The following KCNJ13 variants were observed in gnomAD, a reference collection of about 807,000 sequenced individuals.
The protein encoded by KCNJ13 is inward rectifier potassium channel 13.
A neutral mutation model predicts 24.6 loss-of-function variants in KCNJ13; 9 were observed. The ratio of observed to expected loss-of-function variants is 0.37; its 90% CI spans 0.22 to 0.64. KCNJ13 has a LOEUF of 0.64. Ranked by LOEUF, KCNJ13 falls within the 30% of genes least tolerant of loss-of-function variation. KCNJ13 has a pLI of 0.64. For synonymous variants in KCNJ13, 148 were observed against 154.7 expected, an observed-to-expected ratio of 0.96 and a Z score of 0.32; for missense variants, 337 against 443.8, an observed-to-expected ratio of 0.76 and a Z score of 2.16.
chr2:232,769,978 T>C (rs1270383039), intron 2 of KCNJ13, among the ~76,000 whole-genome samples: 3 of 152,212 alleles, frequency 2.0e-5, no homozygotes, highest in Non-Finnish European at 4.4e-5. Flanking sequence ...GCTGGTGGTA[T>C]TGTTTTTTGT....
rs143726189 is a variant in KCNJ13 at position 232,771,336 on chromosome 2, A to C, written c.27T>G (p.Ile9Met). The stretch of plus-strand genomic sequence containing the variant: ...GGTATCTTTGACTTAGGAGAGGAGC[A>C]ATAACTTTGCAATTACTGCTGTCCA... The part of the protein sequence containing the change: MDSSNCKV[I>M]APLLSQRYRR... The change falls in exon 2 of 3, where the codon ATT (isoleucine) becomes ATG (methionine). Residue 9 changes from isoleucine to methionine, a missense_variant. Physicochemically the swap from Ile to Met is conservative, Grantham distance 10. Around this residue, in one of 3 missense-constraint regions of KCNJ13, gnomAD observed 101 missense variants for 139.2 expected, o/e 0.73. Coordinates refer to ENST00000233826, the MANE Select transcript of KCNJ13 (RefSeq NM_002242.4). 7.4e-6 allele frequency: 12 copies of C among 1,612,844 alleles called. No individual in the cohort carries two copies. In the African/African-American group the frequency reaches 9.3e-5, roughly 13 times the overall value.
chr2:232,768,760 A>G lies in KCNJ13; in HGVS notation c.514T>C (p.Phe172Leu). The G allele has an allele frequency of 6.2e-7, 1 of 1,601,046 alleles. No homozygotes were observed. Among genetic ancestry groups the G allele is most frequent in the Non-Finnish European group, 8.5e-7 (1 of 1,170,774 alleles). The stretch of plus-strand genomic sequence containing the variant: ...TGAGCTACTACTGCTGTGTCAGTAA[A>G]GCGAATTGAAAAAGCTCGATTTTTT... Reference protein sequence around the residue: ...RPKNRAFSIRFTDTAVVAHMD... With the variant: ...RPKNRAFSIRLTDTAVVAHMD... Residue 172 changes from phenylalanine (F) to leucine (L), a missense_variant, in exon 3 of 3, where the codon TTT becomes CTT. Phe to Leu is a conservative substitution (Grantham distance 22). This residue lies in a region of KCNJ13 where 235 missense variants were observed against 286.9 expected (regional missense o/e 0.82). Coordinates refer to ENST00000233826, the MANE Select transcript of KCNJ13 (RefSeq NM_002242.4).
At chr2:232,775,391 T>G (rs1313530426) in intron 1 of KCNJ13, among the ~76,000 whole-genome samples, 2 of 152,218 alleles carry the variant, frequency 1.3e-5, no homozygotes, top group Non-Finnish European at 2.9e-5. Context: ...CTCTACAGAC[T>G]TATGTAAACA....
chr2:232,771,180 A>C lies in KCNJ13; in HGVS notation c.183T>G (p.Ser61=). The change falls in exon 2 of 3, where the codon TCT becomes TCG. Residue 61 remains serine (S), a synonymous_variant. Coordinates refer to ENST00000233826, the MANE Select transcript of KCNJ13 (RefSeq NM_002242.4). ...MRWRWMMLVF[S]ASFVVHWLVF... is the part of the protein sequence containing the mutation. ...CAAGCCAGTGGACAACAAAAGAAGC[A>C]GAAAAGACCAACATCATCCAACGCC... is the stretch of plus-strand genomic sequence containing the variant. 6.2e-7 allele frequency: 1 copy of C among 1,613,970 alleles called. No homozygotes were observed. The highest frequency in any genetic ancestry group is 8.5e-7 in the Non-Finnish European group (1 of 1,179,840).
rs774380473 is a variant in KCNJ13, at chr2:232,768,218, C to T, written c.1056G>A (p.Gln352=). ...HINGQSIDNF[Q]ISETGLTE is the part of the protein sequence containing the mutation. ...ATTCTGTCAGTCCTGTTTCAGAGATCTGAAAATTGTCAATGCTTTGTCCAT... is the reference window on the plus strand; with the variant it reads ...ATTCTGTCAGTCCTGTTTCAGAGATTTGAAAATTGTCAATGCTTTGTCCAT... Residue 352 remains glutamine (Q), a synonymous_variant, in exon 3 of 3, where the codon CAG becomes CAA. Coordinates refer to ENST00000233826, the MANE Select transcript of KCNJ13 (RefSeq NM_002242.4). 1 of 1,614,110 alleles carries T rather than the reference C, an allele frequency of 6.2e-7. No individual in the cohort carries two copies. Among genetic ancestry groups the T allele is most frequent in the Non-Finnish European group, 8.5e-7 (1 of 1,179,978 alleles).
chr2:232,769,616 A>G (rs926200989), intron 2 of KCNJ13, among the ~76,000 whole-genome samples: 3 of 151,846 alleles, frequency 2.0e-5, no homozygotes, highest in African/African-American at 7.3e-5. Flanking sequence ...AGGACTGACT[A>G]TCAGGTAATT....
chr2:232,774,495 G>A lies in KCNJ13; in HGVS notation c.-17+1950C>T, dbSNP rs182951711. ...GAGAGTTATGACATAACATTGCCAA[G>A]TTTCTGTTTTGCCAGATGAGAAGAC... is the stretch of plus-strand genomic sequence containing the variant. On this transcript the variant is annotated intron_variant, in intron 1 of 2. Coordinates refer to ENST00000233826, the MANE Select transcript of KCNJ13 (RefSeq NM_002242.4). Among the ~76,000 whole-genome samples, 165 of 152,286 alleles carry A rather than the reference G, an allele frequency of 1.1e-3. 6 individuals carry two copies. Among genetic ancestry groups the A allele is most frequent in the Admixed American group, 9.4e-3 (144 of 15,280 alleles).
chr2:232,773,399 T>C (rs992009449), intron 1 of KCNJ13, among the ~76,000 whole-genome samples: 2 of 152,218 alleles, frequency 1.3e-5, no homozygotes, highest in African/African-American at 4.8e-5. Flanking sequence ...AAAAGAAATT[T>C]ACACAAGGCA....
At chr2:232,775,417 C>T (rs1574868391) in intron 1 of KCNJ13, among the ~76,000 whole-genome samples, 2 of 152,166 alleles carry the variant, frequency 1.3e-5, no homozygotes, top group African/African-American at 2.4e-5. Context: ...ATTTCCACTT[C>T]CTACAAAGGA....
At position 232,767,722 on chromosome 2, in the gene KCNJ13, T is replaced by C. The variant is rs1699033861; in HGVS notation, c.*469A>G. ...AGAACCAAATGAATGATCTTTGTTG[T>C]CTTGAAAAAAATCCCAGCTCTTAAA... On this transcript the variant is annotated 3_prime_UTR_variant, in exon 3 of 3. Coordinates refer to ENST00000233826, the MANE Select transcript of KCNJ13 (RefSeq NM_002242.4). The C allele has an allele frequency of 6.0e-6, 1 of 166,972 alleles. No individual in the cohort carries two copies. Among genetic ancestry groups the C allele is most frequent in the Non-Finnish European group, 1.3e-5 (1 of 76,588 alleles). 10.3% of individuals were successfully genotyped at this position (166,972 alleles called of 1,614,324 possible). A position where few individuals can be genotyped will look rare whatever the true frequency, so the allele number is the denominator to read the frequency against.
At position 232,765,941 on chromosome 2, in the gene KCNJ13, G is replaced by T. The variant is rs1036245901; in HGVS notation, c.*2250C>A. On this transcript the variant is annotated 3_prime_UTR_variant, in exon 3 of 3. Coordinates refer to ENST00000233826, the MANE Select transcript of KCNJ13 (RefSeq NM_002242.4). ...GTTCCGAAGTAGTCTTCCTGATCAT[G>T]TGTGCAAGACTTCATGACCAAGCTC... is the stretch of plus-strand genomic sequence containing the variant. The T allele has an allele frequency of 8.7e-6, 4 of 460,948 alleles. No individual in the cohort carries two copies. Among genetic ancestry groups the T allele is most frequent in the Non-Finnish European group, 1.8e-5 (4 of 222,742 alleles). 28.6% of individuals were successfully genotyped at this position (460,948 alleles called of 1,614,324 possible).
Position 232,767,565 on chromosome 2 carries a change from T to A in KCNJ13, c.*626A>T, listed in dbSNP as rs968622444. The A allele has an allele frequency of 6.5e-6, 1 of 153,848 alleles. No homozygotes were observed. Among genetic ancestry groups the A allele is most frequent in the Non-Finnish European group, 1.4e-5 (1 of 68,986 alleles). 9.5% of individuals were successfully genotyped at this position (153,848 alleles called of 1,614,324 possible). A position where few individuals can be genotyped will look rare whatever the true frequency, so the allele number is the denominator to read the frequency against. ...CCACAAATAAGTGAACATATATGTA[T>A]GTGTTCGGGTGTCATGTTCAAATGC... On this transcript the variant is annotated 3_prime_UTR_variant, in exon 3 of 3. Transcript: ENST00000233826.
chr2:232,771,880 T>C (rs938855031), intron 1 of KCNJ13, among the ~76,000 whole-genome samples: 1 of 152,226 alleles, frequency 6.6e-6, no homozygotes, highest in Non-Finnish European at 1.5e-5. Flanking sequence ...CTGCAAATCC[T>C]TTGAAGCCAG....
At chr2:232,770,260 A>G (rs1277331978) in intron 2 of KCNJ13, among the ~76,000 whole-genome samples, 4 of 152,162 alleles carry the variant, frequency 2.6e-5, no homozygotes, top group Non-Finnish European at 5.9e-5. Context: ...GAAATTATGT[A>G]TGTCACATAA....
chr2:232,770,650 A>G (rs1305288729), intron 2 of KCNJ13, among the ~76,000 whole-genome samples: 2 of 151,862 alleles, frequency 1.3e-5, no homozygotes, highest in African/African-American at 4.8e-5. Context: ...ATTTAGTATC[A>G]TACTGATCTC....
Position 232,770,886 on chromosome 2 carries a change from A to C in KCNJ13, c.460+17T>G, listed in dbSNP as rs1699217982. On this transcript the variant is annotated intron_variant, in intron 2 of 2. Transcript: ENST00000233826. ...TGTTTTTGTTTTTGTTTTTTTTAAG[A>C]ACAAAGACAAAATTACCTGTGATAA... 1 of 1,589,678 alleles carries C rather than the reference A, an allele frequency of 6.3e-7. No homozygotes were observed. The highest frequency in any genetic ancestry group is 8.6e-7 in the Non-Finnish European group (1 of 1,158,924).
In KCNJ13 at chr2:232,768,253, T is replaced by C. The variant is rs765534142; in HGVS notation, c.1021A>G (p.Ile341Val). The C allele has an allele frequency of 3.7e-6, 6 of 1,614,116 alleles. No homozygotes were observed. The highest frequency in any genetic ancestry group is 1.6e-4 in the Middle Eastern group (1 of 6,062). Residue 341 changes from isoleucine (I) to valine (V), a missense_variant, in exon 3 of 3, where the codon ATC (isoleucine) becomes GTC (valine). This residue lies in a region of KCNJ13 where 235 missense variants were observed against 286.9 expected (regional missense o/e 0.82). Coordinates refer to ENST00000233826, the MANE Select transcript of KCNJ13 (RefSeq NM_002242.4). ...SKSPNRTDLD[I>V]HINGQSIDNF... ...TCAATGCTTTGTCCATTGATGTGGA[T>C]ATCCAGGTCAGTCCTGTTTGGGCTT...
chr2:232,768,466 A>G lies in KCNJ13; in HGVS notation c.808T>C (p.Phe270Leu), dbSNP rs768232798. The change falls in exon 3 of 3, where the codon TTC becomes CTC. Residue 270 changes from phenylalanine (F) to leucine (L), a missense_variant. Physicochemically the swap from Phe to Leu is conservative, Grantham distance 22. Coordinates refer to ENST00000233826, the MANE Select transcript of KCNJ13 (RefSeq NM_002242.4). ...GTGCCCTCCTGCATTGCTGAAAGGA[A>G]TACAACTAATTCAAAGTGAGAAGGA... is the stretch of plus-strand genomic sequence containing the variant. ...ENPSHFELVV[F>L]LSAMQEGTGE... The G allele has an allele frequency of 1.2e-6, 2 of 1,614,220 alleles. No homozygotes were observed. Among genetic ancestry groups the G allele is most frequent in the South Asian group, 1.1e-5 (1 of 91,082 alleles).
intron 2 of KCNJ13, among the ~76,000 whole-genome samples, chr2:232,770,098 A>G (rs2293781): frequency 0.048 from 7,256 of 152,268 alleles, 268 homozygotes; most frequent in East Asian, 0.17. Flanking sequence ...CTGACCCAGT[A>G]TAGGAACTCT....
Sources: allele counts gnomAD v4.1 joint callset (sites outside exome capture counted in the v4.1 genomes callset), GRCh38; gene constraint gnomAD v4.1.1; regional missense constraint gnomAD v4.1.1; transcripts MANE v1.5; gene names NCBI Gene and HGNC (gene_info 2026-07-23, HGNC 2026-07-21).